The following NEBL variants were observed in gnomAD, a reference collection of about 807,000 sequenced individuals.
NEBL encodes the protein nebulette.
In NEBL, 122 loss-of-function variants were observed where a neutral mutation model predicts 140.2. That is an observed-to-expected ratio of 0.87 (90% CI 0.75 to 1.01). NEBL has a LOEUF of 1.01. Ranked by LOEUF, NEBL falls within the 50% of genes least tolerant of loss-of-function variation. The pLI is 0.00. For missense variants in NEBL, 1,365 were observed against 1,231.3 expected (o/e 1.11, Z -1.62); for synonymous variants, 436 against 398.9 (o/e 1.09, Z -1.11).
At chr10:20,941,055 A>G (rs577419581) in intron 4 of NEBL, among the ~76,000 whole-genome samples, 6 of 152,352 alleles carry the variant, frequency 3.9e-5, no homozygotes, top group African/African-American at 1.4e-4. Context: ...CAATCAATAG[A>G]AAAAGAGGGA....
At chr10:21,033,839 T>C (rs908073742) in intron 2 of NEBL, among the ~76,000 whole-genome samples, 2 of 151,700 alleles carry the variant, frequency 1.3e-5, no homozygotes, top group African/African-American at 2.4e-5. Context: ...TGGCTCTCAA[T>C]ATAAAACTAC....
At chr10:20,836,283 C>T (rs372924804) in intron 13 of NEBL, among the ~76,000 whole-genome samples, 9 of 152,078 alleles carry the variant, frequency 5.9e-5, no homozygotes, top group South Asian at 4.2e-4. Flanking sequence ...AGTGCAGTGG[C>T]GTGATCTCGG....
chr10:21,284,899 G>A (rs1213954971), intron 1 of NEBL, among the ~76,000 whole-genome samples: 2 of 152,064 alleles, frequency 1.3e-5, no homozygotes, highest in African/African-American at 4.8e-5. Flanking sequence ...TGTGCATTTT[G>A]TATGAAAAAG....
At chr10:21,034,949 T>G (rs949090182) in intron 2 of NEBL, among the ~76,000 whole-genome samples, 2 of 120,020 alleles carry the variant, frequency 1.7e-5, no homozygotes, top group African/African-American at 4.7e-5. Context: ...TATTCTTATT[T>G]ATTTATTTAT....
At chr10:21,189,467 GT>G (rs372522470) in intron 3 of NEBL, among the ~76,000 whole-genome samples, 1 of 151,920 alleles carries the variant, frequency 6.6e-6, no homozygotes, top group African/African-American at 2.4e-5. Context: ...TTTGGTTTTG[GT>G]TTTTTTATTT....
intron 2 of NEBL, among the ~76,000 whole-genome samples, chr10:21,105,008 G>C (rs890953877): frequency 6.6e-6 from 1 of 152,134 alleles, no homozygotes; most frequent in East Asian, 1.9e-4. Context: ...TTAGTCTGCT[G>C]ATATGGAAAA....
intron 3 of NEBL, among the ~76,000 whole-genome samples, chr10:20,997,847 A>G (rs1837735197): frequency 6.6e-6 from 1 of 152,176 alleles, no homozygotes; most frequent in Non-Finnish European, 1.5e-5. Context: ...CATTTATTCA[A>G]TACCAGTTAA....
At chr10:21,068,122 G>A (rs976375442) in intron 2 of NEBL, among the ~76,000 whole-genome samples, 9 of 152,154 alleles carry the variant, frequency 5.9e-5, no homozygotes, top group African/African-American at 2.2e-4. Context: ...TAGGAGGTCA[G>A]CTCCATGATT....
intron 4 of NEBL, among the ~76,000 whole-genome samples, chr10:20,927,909 T>C (rs1219367098): frequency 3.3e-5 from 5 of 152,236 alleles, no homozygotes; most frequent in East Asian, 1.9e-4. Context: ...TCCTGTAAGA[T>C]AGTGTCACCC....
intron 13 of NEBL, among the ~76,000 whole-genome samples, chr10:20,838,326 T>C (rs1841092279): frequency 6.6e-6 from 1 of 152,138 alleles, no homozygotes; most frequent in Admixed American, 6.5e-5. Context: ...GTTCAAGACT[T>C]CAGTGGAGGA....
chr10:20,910,529 C>T (rs1848284569), intron 4 of NEBL, among the ~76,000 whole-genome samples: 1 of 152,100 alleles, frequency 6.6e-6, no homozygotes, highest in Admixed American at 6.6e-5. Flanking sequence ...GCAGCTAAAC[C>T]CTCACTGCAT....
chr10:21,094,121 C>T (rs1202820657), intron 2 of NEBL, among the ~76,000 whole-genome samples: 2 of 152,126 alleles, frequency 1.3e-5, no homozygotes, highest in African/African-American at 2.4e-5. Context: ...CTTTGGGAGG[C>T]TGAAGTGGGA....
At chr10:20,839,981 G>A (rs541677468) in intron 13 of NEBL, among the ~76,000 whole-genome samples, 124 of 152,262 alleles carry the variant, frequency 8.1e-4, no homozygotes, top group African/African-American at 2.7e-3. Flanking sequence ...ATTCTACCTT[G>A]ACAGTAACTC....
At chr10:21,027,242 G>A (rs1833540352) in intron 2 of NEBL, among the ~76,000 whole-genome samples, 1 of 151,634 alleles carries the variant, frequency 6.6e-6, no homozygotes, top group African/African-American at 2.4e-5. Context: ...GCCCCTTTGT[G>A]CGTAACAGGC....
At chr10:21,128,296 A>G (rs886255538) in intron 2 of NEBL, among the ~76,000 whole-genome samples, 3 of 152,230 alleles carry the variant, frequency 2.0e-5, no homozygotes, top group Non-Finnish European at 4.4e-5. Flanking sequence ...ACAGGATTAC[A>G]TAATAATCTT....
rs1458291934 is a variant in NEBL at position 20,850,457 on chromosome 10, G to A, written c.1054C>T (p.Leu352Phe). ...TATGATGGTGTCTCAACAAATTCAA[G>A]CATTGGCTTTCCCTTATTTTTCTCA... ...EYEKNKGKPM[L>F]EFVETPSYQA... The change falls in exon 11 of 28, where the codon CTT (leucine) becomes TTT (phenylalanine). Residue 352 changes from leucine to phenylalanine, a missense_variant. Leu to Phe is a conservative substitution (Grantham distance 22). Coordinates refer to ENST00000377122, the MANE Select transcript of NEBL (RefSeq NM_006393.3). 1 of 1,612,104 alleles carries A rather than the reference G, an allele frequency of 6.2e-7. No individual in the cohort carries two copies. Among genetic ancestry groups the A allele is most frequent in the Admixed American group, 1.7e-5 (1 of 60,004 alleles).
chr10:20,905,075 T>G (rs559430161), intron 4 of NEBL, among the ~76,000 whole-genome samples: 1 of 152,096 alleles, frequency 6.6e-6, no homozygotes, highest in Non-Finnish European at 1.5e-5. Flanking sequence ...AATGAAGAAG[T>G]TTTTACATTC....
At chr10:20,953,669 T>C (rs1053767225) in intron 4 of NEBL, among the ~76,000 whole-genome samples, 6 of 152,122 alleles carry the variant, frequency 3.9e-5, no homozygotes, top group African/African-American at 1.4e-4. Flanking sequence ...GATAAAACTA[T>C]AGAAGTCACT....
At chr10:21,187,511 A>G (rs972809709) in intron 3 of NEBL, among the ~76,000 whole-genome samples, 1 of 149,872 alleles carries the variant, frequency 6.7e-6, no homozygotes, top group Admixed American at 6.7e-5. Context: ...ATTATTATTT[A>G]TTATTATTAT....
Sources: allele counts gnomAD v4.1 joint callset (sites outside exome capture counted in the v4.1 genomes callset), GRCh38; gene constraint gnomAD v4.1.1; transcripts MANE v1.5; gene names NCBI Gene and HGNC (gene_info 2026-07-23, HGNC 2026-07-21).